Variants in RHOU observed in about 807,000 individuals in gnomAD.
RHOU encodes the protein ras homolog family member U.
In RHOU, 8 loss-of-function variants were observed where a neutral mutation model predicts 12.6. That is an observed-to-expected ratio of 0.64 (90% confidence interval 0.37 to 1.15). The LOEUF (loss-of-function observed/expected upper bound fraction) is 1.15, where lower values mean the gene tolerates loss of function less well. Among genes scored for constraint, RHOU ranks in the 50% most tolerant of loss-of-function variants. The probability of loss-of-function intolerance (pLI) is 0.01; values close to 1 mark genes in which losing one functional copy is unlikely to be tolerated. For missense variants in RHOU, 258 were observed against 347.0 expected, an observed-to-expected ratio of 0.74 and a Z score of 2.04; for synonymous variants, 161 against 147.4, an observed-to-expected ratio of 1.09 and a Z score of -0.67.
At chr1:228,707,188 TATATATAC>T in the RHOU span, among the ~76,000 whole-genome samples, 3 of 75,970 alleles carry the variant, frequency 3.9e-5, no homozygotes, top group South Asian at 7.4e-4. Flanking sequence ...ACAAAATATA[TATATATAC>T]ATATATATAC....
In RHOU at chr1:228,735,895, G is replaced by A. The variant is rs1662595575; in HGVS notation, c.153G>A (p.Lys51=). Residue 51 remains lysine (K), a synonymous_variant, in exon 1 of 3, where the codon AAG becomes AAA. Coordinates refer to ENST00000366691, the MANE Select transcript of RHOU (RefSeq NM_021205.6). This position sits in a 1 kb window ranked among gnomAD's most constrained non-coding sequence, Gnocchi z 8.1. ...GGGGTGCCGAGGGGCGCGGCGTCAA[G>A]TGCGTGCTGGTCGGCGACGGCGCGG... ...RAGGAEGRGV[K]CVLVGDGAVG... 1.3e-6 allele frequency: 2 copies of A among 1,553,294 alleles called. No individual in the cohort carries two copies. Among genetic ancestry groups the A allele is most frequent in the Non-Finnish European group, 8.6e-7 (1 of 1,156,074 alleles).
At chr1:228,731,510 C>T (rs1662495844), upstream of RHOU, among the ~76,000 whole-genome samples, 1 of 152,050 alleles carries the variant, frequency 6.6e-6, no homozygotes, top group Non-Finnish European at 1.5e-5. Flanking sequence ...AACAGATGGC[C>T]AGATGGAGAA....
the RHOU span, among the ~76,000 whole-genome samples, chr1:228,685,998 T>A: frequency 6.6e-6 from 1 of 152,202 alleles, no homozygotes; most frequent in African/African-American, 2.4e-5. Flanking sequence ...CTTTGACATC[T>A]TATTATATGA....
the RHOU span, chr1:228,651,382 C>T: frequency 6.4e-6 from 1 of 157,094 alleles, no homozygotes; most frequent in Non-Finnish European, 1.5e-5. Flanking sequence ...TCTGCTAAAA[C>T]TGGGATAGAG....
Position 228,737,853 on chromosome 1 carries a change from C to A in RHOU, c.321+122C>A. On this transcript the variant is annotated intron_variant, in intron 2 of 2. Coordinates refer to ENST00000366691, the MANE Select transcript of RHOU (RefSeq NM_021205.6). This position sits in a 1 kb window ranked among gnomAD's most constrained non-coding sequence, Gnocchi z 4.1. ...CTAAAGCCTCATGAAGTGGACCCAC[C>A]CCTGCTGTTGGCCCTTCTCTGAGGG... 1.9e-6 allele frequency: 2 copies of A among 1,047,646 alleles called. No homozygotes were observed. Among genetic ancestry groups the A allele is most frequent in the East Asian group, 2.6e-5 (1 of 39,144 alleles). The allele number at this position is 1,047,646 out of a possible 1,614,324, so 64.9% of individuals were successfully genotyped here.
the RHOU span, among the ~76,000 whole-genome samples, chr1:228,729,555 C>T: frequency 6.6e-6 from 1 of 152,116 alleles, no homozygotes; most frequent in African/African-American, 2.4e-5. Context: ...TCACAGGTGG[C>T]ATAGTTACAA....
At chr1:228,730,283 A>T in the RHOU span, among the ~76,000 whole-genome samples, 1 of 152,320 alleles carries the variant, frequency 6.6e-6, no homozygotes, top group South Asian at 2.1e-4. Context: ...AGAAAAGCCA[A>T]TAGTAAGTTA....
chr1:228,725,954 T>C, the RHOU span, among the ~76,000 whole-genome samples: 1 of 152,220 alleles, frequency 6.6e-6, no homozygotes, highest in Non-Finnish European at 1.5e-5. Context: ...GTTCTACTTC[T>C]TAATTACTTA....
At chr1:228,647,143 A>G in the RHOU span, among the ~76,000 whole-genome samples, 2 of 152,034 alleles carry the variant, frequency 1.3e-5, no homozygotes, top group Admixed American at 1.3e-4. Context: ...GAGGGGTTTG[A>G]GCTGTGCCTG....
chr1:228,707,355 C>T, the RHOU span, among the ~76,000 whole-genome samples: 1,110 of 146,750 alleles, frequency 7.6e-3, 17 homozygotes, highest in African/African-American at 0.026. Flanking sequence ...GGAACAGCTC[C>T]GGTCTACAGC....
chr1:228,722,890 G>A, the RHOU span, among the ~76,000 whole-genome samples: 58 of 152,234 alleles, frequency 3.8e-4, no homozygotes, highest in African/African-American at 1.3e-3. Context: ...CAAAGTGCTG[G>A]GATTACAGGC....
At chr1:228,676,139 C>G in the RHOU span, among the ~76,000 whole-genome samples, 6 of 150,902 alleles carry the variant, frequency 4.0e-5, no homozygotes, top group East Asian at 1.9e-4. Context: ...CCGCCCCCCC[C>G]CTTTTTTTTT....
chr1:228,703,170 G>A, the RHOU span, among the ~76,000 whole-genome samples: 6 of 152,172 alleles, frequency 3.9e-5, no homozygotes, highest in Admixed American at 3.3e-4. Context: ...TAGTGACCCA[G>A]TCCTCCCTCT....
At chr1:228,704,451 A>T in the RHOU span, among the ~76,000 whole-genome samples, 757 of 151,948 alleles carry the variant, frequency 5.0e-3, 16 homozygotes, top group Admixed American at 0.038. Context: ...AATTTTTTTT[A>T]TTTTTATTTT....
Position 228,743,158 on chromosome 1 carries a change from C to A in RHOU, c.322-127C>A. ...AGTAGGATCGTTTCAAGGATGCTGG[C>A]TCTTCCTTCTAGAACCAGCGGGTCT... On this transcript the variant is annotated intron_variant, in intron 2 of 2. Coordinates refer to ENST00000366691, the MANE Select transcript of RHOU (RefSeq NM_021205.6). This position sits in a 1 kb window ranked among gnomAD's most constrained non-coding sequence, Gnocchi z 5.1. 1 of 864,046 alleles carries A rather than the reference C, an allele frequency of 1.2e-6. No individual in the cohort carries two copies. Among genetic ancestry groups the A allele is most frequent in the Non-Finnish European group, 1.9e-6 (1 of 540,332 alleles). The allele number at this position is 864,046 out of a possible 1,614,324, so 53.5% of individuals were successfully genotyped here. A position where few individuals can be genotyped will look rare whatever the true frequency, so the allele number is the denominator to read the frequency against.
At chr1:228,655,593 C>A in the RHOU span, among the ~76,000 whole-genome samples, 1 of 152,170 alleles carries the variant, frequency 6.6e-6, no homozygotes, top group African/African-American at 2.4e-5. Flanking sequence ...TCCCTCTAAA[C>A]CTCTCTTGTT....
the RHOU span, among the ~76,000 whole-genome samples, chr1:228,692,849 A>G: frequency 6.6e-6 from 1 of 152,224 alleles, no homozygotes; most frequent in African/African-American, 2.4e-5. Flanking sequence ...ATGGGGATTT[A>G]CATAACAAAA....
the RHOU span, among the ~76,000 whole-genome samples, chr1:228,704,884 C>G: frequency 1.3e-5 from 2 of 151,680 alleles, no homozygotes; most frequent in African/African-American, 4.8e-5. Context: ...TTCACTGCAA[C>G]CTTCACCTCC....
the RHOU span, among the ~76,000 whole-genome samples, chr1:228,707,105 C>CATATATATATATATATATATAT: frequency 1.4e-5 from 1 of 70,842 alleles, no homozygotes; most frequent in Non-Finnish European, 2.5e-5. Context: ...TATATACATA[C>CATATATATATATATATATATAT]ATATATATAT....
Sources: allele counts gnomAD v4.1 joint callset (sites outside exome capture counted in the v4.1 genomes callset), GRCh38; gene constraint gnomAD v4.1.1; non-coding constraint Gnocchi (gnomAD v3.1); transcripts MANE v1.5; gene names NCBI Gene and HGNC (gene_info 2026-07-23, HGNC 2026-07-21).